PLCE1: variants seen among roughly 807,000 people sequenced by gnomAD.
PLCE1 encodes phospholipase C epsilon 1.
In PLCE1, 119 loss-of-function variants were observed where a neutral mutation model predicts 242.8. The ratio of observed to expected loss-of-function variants is 0.49; its 90% confidence interval spans 0.42 to 0.57. The LOEUF is 0.57. Ranked by LOEUF, PLCE1 falls within the 20% of genes least tolerant of loss-of-function variation. PLCE1 has a pLI of 0.00. For synonymous variants in PLCE1, 945 were observed against 1,017.4 expected, an observed-to-expected ratio of 0.93 and a Z score of 1.35; for missense variants, 2,441 against 2,788.8, an observed-to-expected ratio of 0.88 and a Z score of 2.81.
At position 94,258,873 on chromosome 10, in the gene PLCE1, G is replaced by T. The variant is rs756895101; in HGVS notation, c.3628G>T (p.Asp1210Tyr). 6.2e-7 allele frequency: 1 copy of T among 1,614,134 alleles called. No individual in the cohort carries two copies. Among genetic ancestry groups the T allele is most frequent in the East Asian group, 2.2e-5 (1 of 44,878 alleles). Residue 1210 changes from aspartate to tyrosine, a missense_variant, in exon 12 of 33, where the codon GAT becomes TAT. Transcript: ENST00000371380. The part of the protein sequence containing the change: ...MKGFQSFMVS[D>Y]SNMSFVEFVE... Reference sequence around the variant, plus strand: ...GGGATTTCAGAGCTTCATGGTTTCAGATAGCAACATGAGTTTTGTTGAATT... The same window carrying T: ...GGGATTTCAGAGCTTCATGGTTTCATATAGCAACATGAGTTTTGTTGAATT...
Position 94,031,066 on chromosome 10 carries a change from C to G in PLCE1, c.20C>G (p.Thr7Arg). Residue 7 changes from threonine (T) to arginine (R), a missense_variant, in exon 2 of 33, where the codon ACA (threonine) becomes AGA (arginine). Thr to Arg is a moderately conservative substitution (Grantham distance 71, BLOSUM62 -1). Around this residue, in one of 5 missense-constraint regions of PLCE1, gnomAD observed 393 missense variants for 378.5 expected, o/e 1.04. Coordinates refer to ENST00000371380, the MANE Select transcript of PLCE1 (RefSeq NM_016341.4). ...TCCAAGATGACTTCTGAAGAAATGA[C>G]AGCTTCTGTTCTCATACCTGTGACT... MTSEEM[T>R]ASVLIPVTQR... is the part of the protein sequence containing the mutation. 1 of 1,613,578 alleles carries G rather than the reference C, an allele frequency of 6.2e-7. No homozygotes were observed. Among genetic ancestry groups the G allele is most frequent in the Non-Finnish European group, 8.5e-7 (1 of 1,179,616 alleles).
chr10:94,044,153 A>G (rs1302351053), intron 2 of PLCE1, among the ~76,000 whole-genome samples: 1 of 152,050 alleles, frequency 6.6e-6, no homozygotes, highest in African/African-American at 2.4e-5. Flanking sequence ...CAGAGTTTTT[A>G]TTTTTCTGTA....
intron 7 of PLCE1, among the ~76,000 whole-genome samples, chr10:94,242,007 C>T (rs1019150900): frequency 6.6e-6 from 1 of 152,062 alleles, no homozygotes; most frequent in African/African-American, 2.4e-5. Context: ...TTTTTGCCAT[C>T]TAATAGTGAG....
intron 2 of PLCE1, among the ~76,000 whole-genome samples, chr10:94,114,963 T>C (rs1286553690): frequency 6.7e-6 from 1 of 149,178 alleles, no homozygotes; most frequent in East Asian, 2.0e-4. Flanking sequence ...TCCCCCTTCC[T>C]GTGTCCAAGT....
chr10:94,274,130 A>G (rs530098416), intron 19 of PLCE1, among the ~76,000 whole-genome samples: 2 of 152,212 alleles, frequency 1.3e-5, no homozygotes, highest in Admixed American at 1.3e-4. Flanking sequence ...ATCCCAGCGT[A>G]TCACTAGTTT....
At chr10:94,150,315 A>T (rs2047236123) in intron 3 of PLCE1, among the ~76,000 whole-genome samples, 1 of 152,216 alleles carries the variant, frequency 6.6e-6, no homozygotes, top group Non-Finnish European at 1.5e-5. Context: ...AATTTCAATT[A>T]TTTAAGAAGG....
intron 4 of PLCE1, among the ~76,000 whole-genome samples, chr10:94,225,780 G>A (rs2049917688): frequency 6.6e-6 from 1 of 152,322 alleles, no homozygotes; most frequent in South Asian, 2.1e-4. Context: ...GAAAAATGGG[G>A]TTGCACTGCC....
chr10:94,121,109 T>C lies in PLCE1; in HGVS notation c.1207-11065T>C, dbSNP rs2046286016. ...TATTAAATGCCACATACATGCCAAG[T>C]GCTGTGCTGAGGCTTTGCATTTATT... On this transcript the variant is annotated intron_variant, in intron 2 of 32. Coordinates refer to ENST00000371380, the MANE Select transcript of PLCE1 (RefSeq NM_016341.4). The C allele has an allele frequency of 2.0e-5, 3 of 152,356 alleles. No homozygotes were observed. The South Asian group carries it at 6.2e-4, about 32-fold the overall frequency. 9.4% of individuals were successfully genotyped at this position (152,356 alleles called of 1,614,324 possible).
At chr10:94,206,273 G>A (rs1003378614) in intron 4 of PLCE1, among the ~76,000 whole-genome samples, 7 of 152,166 alleles carry the variant, frequency 4.6e-5, no homozygotes, top group African/African-American at 1.7e-4. Context: ...TGTGTAAAGC[G>A]TGCCTGGCAT....
chr10:94,282,087 T>A (rs1718422820), intron 20 of PLCE1, among the ~76,000 whole-genome samples: 4 of 149,176 alleles, frequency 2.7e-5, no homozygotes, highest in African/African-American at 9.9e-5. Context: ...TCTGCACAAC[T>A]GCAAGAGTTT....
chr10:94,130,611 G>C (rs1318092562), intron 2 of PLCE1, among the ~76,000 whole-genome samples: 2 of 152,154 alleles, frequency 1.3e-5, no homozygotes, highest in African/African-American at 4.8e-5. Flanking sequence ...CCCCAAACCT[G>C]GGCTCTTTCT....
At chr10:94,269,208 T>C (rs1423460746) in intron 17 of PLCE1, among the ~76,000 whole-genome samples, 172 bp downstream of exon 17, 3 of 150,236 alleles carry the variant, frequency 2.0e-5, no homozygotes, top group Non-Finnish European at 3.0e-5. Context: ...TTCAAGAGAT[T>C]CTCCTACATC....
intron 13 of PLCE1, among the ~76,000 whole-genome samples, chr10:94,260,575 C>A (rs778025047): frequency 6.6e-5 from 10 of 151,844 alleles, no homozygotes; most frequent in Non-Finnish European, 1.3e-4. Context: ...CAAGTAGTTA[C>A]ATTTTTCAAA....
Position 94,284,970 on chromosome 10 carries a change from G to T in PLCE1, c.5035+5G>T, listed in dbSNP as rs1363766249. 2 of 1,462,300 alleles carry T rather than the reference G, an allele frequency of 1.4e-6. No individual in the cohort carries two copies. Among genetic ancestry groups the T allele is most frequent in the Middle Eastern group, 3.5e-4 (2 of 5,746 alleles). 90.6% of individuals were successfully genotyped at this position (1,462,300 alleles called of 1,614,324 possible). ...GTCAAGCAGTAAAATTTCCAGGTAA[G>T]ATTAGGCAATATCATCTATAACTTT... On this transcript the variant is annotated splice_donor_5th_base_variant and intron_variant, in intron 22 of 32. Coordinates refer to ENST00000371380, the MANE Select transcript of PLCE1 (RefSeq NM_016341.4).
At chr10:94,208,093 G>A (rs2049220461) in intron 4 of PLCE1, among the ~76,000 whole-genome samples, 1 of 152,144 alleles carries the variant, frequency 6.6e-6, no homozygotes, top group Non-Finnish European at 1.5e-5. Flanking sequence ...TGAAGAGTAG[G>A]ATATTGGTGC....
At chr10:94,111,912 A>G (rs1341770851) in intron 2 of PLCE1, among the ~76,000 whole-genome samples, 2 of 152,164 alleles carry the variant, frequency 1.3e-5, no homozygotes, top group Admixed American at 6.5e-5. Context: ...TTTTGCTTTC[A>G]TGACCTGTTG....
chr10:94,300,954 A>G (rs12780240), intron 24 of PLCE1, among the ~76,000 whole-genome samples: 24,736 of 152,116 alleles, frequency 0.16, 2,207 homozygotes, highest in Middle Eastern at 0.28. Context: ...AGTCCCAGCT[A>G]CTCGGAAGGC....
intron 5 of PLCE1, among the ~76,000 whole-genome samples, chr10:94,229,146 G>A (rs1011058565): frequency 2.0e-5 from 3 of 150,312 alleles, no homozygotes; most frequent in Non-Finnish European, 4.4e-5. Flanking sequence ...ATGCCATTGC[G>A]CTCCAGCCTG....
intron 3 of PLCE1, among the ~76,000 whole-genome samples, chr10:94,132,911 C>T (rs1448015164): frequency 2.1e-5 from 3 of 143,440 alleles, no homozygotes; most frequent in Admixed American, 7.0e-5. Flanking sequence ...GCTCACGCCA[C>T]TGCACTCTAG....
Sources: gnomAD v4.1 joint callset for allele counts (sites outside exome capture counted in the v4.1 genomes callset) on GRCh38, gnomAD v4.1.1 for gene constraint, gnomAD v4.1.1 regional missense constraint, MANE v1.5 for transcripts, NCBI Gene and HGNC (gene_info 2026-07-23, HGNC 2026-07-21) for gene names.